The following GALNT1 variants were observed in gnomAD, a reference collection of about 807,000 sequenced individuals.
The protein encoded by GALNT1 is GalNAc transferase 1.
In GALNT1, 17 loss-of-function variants were observed where a neutral mutation model predicts 65.7. The ratio of observed to expected loss-of-function variants is 0.26; its 90% CI spans 0.18 to 0.39. GALNT1 has a LOEUF of 0.39. Among genes scored for constraint, GALNT1 ranks in the 10% least tolerant of loss-of-function variants. The pLI, the probability that GALNT1 is intolerant of heterozygous loss-of-function variation, is 1.00. For synonymous variants in GALNT1, 210 were observed against 219.7 expected, an observed-to-expected ratio of 0.96 and a Z score of 0.39; for missense variants, 460 against 672.8, an observed-to-expected ratio of 0.68 and a Z score of 3.50.
intron 3 of GALNT1, among the ~76,000 whole-genome samples, chr18:35,677,224 C>T (rs1421698859): frequency 1.3e-5 from 2 of 152,126 alleles, no homozygotes; most frequent in Admixed American, 6.5e-5. Flanking sequence ...TATTAAACTA[C>T]GTAAACTCCA....
At chr18:35,635,386 C>G (rs572186271) in intron 1 of GALNT1, among the ~76,000 whole-genome samples, 19 of 152,184 alleles carry the variant, frequency 1.2e-4, no homozygotes, top group African/African-American at 4.6e-4. Context: ...CATAATAAAT[C>G]TTAATGATTA....
intron 1 of GALNT1, among the ~76,000 whole-genome samples, chr18:35,608,071 C>CAATATCAAATCATCTAG (rs1463153805): frequency 6.6e-6 from 1 of 151,988 alleles, no homozygotes; most frequent in East Asian, 1.9e-4. Flanking sequence ...TATATTTTAA[C>CAATATCAAATCATCTAG]AATATCAAAT....
intron 4 of GALNT1, among the ~76,000 whole-genome samples, chr18:35,678,950 G>C (rs2047749709): frequency 6.6e-6 from 1 of 152,044 alleles, no homozygotes. Flanking sequence ...ATGAAGAAAA[G>C]GATAAATCCT....
At chr18:35,687,216 A>G in intron 6 of GALNT1, 30 bp downstream of exon 6, 2 of 1,602,948 alleles carry the variant, frequency 1.2e-6, no homozygotes, top group Non-Finnish European at 1.7e-6. Context: ...TTTTGCCTAA[A>G]GTGTTATTGG....
intron 3 of GALNT1, among the ~76,000 whole-genome samples, chr18:35,672,710 T>A (rs1342153693): frequency 6.6e-6 from 1 of 151,492 alleles, no homozygotes; most frequent in Non-Finnish European, 1.5e-5. Context: ...GAATAACTTT[T>A]CTAATGTGTG....
intron 1 of GALNT1, among the ~76,000 whole-genome samples, chr18:35,595,573 T>G (rs1176550842): frequency 1.3e-5 from 2 of 152,174 alleles, no homozygotes; most frequent in African/African-American, 4.8e-5. Context: ...CAAACAAAAC[T>G]AAACAGAAAC....
intron 9 of GALNT1, among the ~76,000 whole-genome samples, chr18:35,694,730 T>G (rs1003016073): frequency 2.0e-5 from 3 of 152,162 alleles, no homozygotes; most frequent in Admixed American, 1.3e-4. Flanking sequence ...TTGTCCAAAA[T>G]TGGGTCAGTT....
intron 8 of GALNT1, 34 bp downstream of exon 8, chr18:35,691,226 G>C (rs752202547): frequency 2.6e-6 from 4 of 1,545,682 alleles, no homozygotes; most frequent in Non-Finnish European, 3.5e-6. Flanking sequence ...ATACAAGGCT[G>C]TACCTTTGTT....
At chr18:35,654,120 C>G (rs2047346468) in intron 1 of GALNT1, among the ~76,000 whole-genome samples, 1 of 152,170 alleles carries the variant, frequency 6.6e-6, no homozygotes, top group Non-Finnish European at 1.5e-5. Context: ...AATAGCTTGA[C>G]TTTTACCTTA....
At chr18:35,583,730 G>A (rs1208028229) in intron 1 of GALNT1, among the ~76,000 whole-genome samples, 1 of 152,112 alleles carries the variant, frequency 6.6e-6, no homozygotes, top group South Asian at 2.1e-4. Context: ...AAAACTGATT[G>A]TTAATCCCAA....
At chr18:35,702,643 A>G (rs185600075) in intron 9 of GALNT1, among the ~76,000 whole-genome samples, 20 of 152,098 alleles carry the variant, frequency 1.3e-4, no homozygotes, top group Admixed American at 1.1e-3. Flanking sequence ...TACAAATTTG[A>G]AAGGAATAAC....
intron 6 of GALNT1, 75 bp downstream of exon 6, chr18:35,687,261 T>A: frequency 7.1e-7 from 1 of 1,400,990 alleles, no homozygotes; most frequent in South Asian, 1.4e-5. Flanking sequence ...TCATATCAAA[T>A]GGATAAGTGT....
At chr18:35,618,956 A>G (rs1292774653) in intron 1 of GALNT1, among the ~76,000 whole-genome samples, 2 of 152,200 alleles carry the variant, frequency 1.3e-5, no homozygotes, top group Non-Finnish European at 2.9e-5. Context: ...ATGCAAAACA[A>G]TCACTAACGC....
intron 3 of GALNT1, among the ~76,000 whole-genome samples, chr18:35,676,644 G>C (rs563887671): frequency 7.4e-4 from 113 of 152,320 alleles, no homozygotes; most frequent in Non-Finnish European, 1.4e-3. Flanking sequence ...GCTTGAGAGA[G>C]AGCAGGGAAT....
chr18:35,621,678 A>C (rs1258789714), intron 1 of GALNT1, among the ~76,000 whole-genome samples: 7 of 152,216 alleles, frequency 4.6e-5, no homozygotes, highest in Non-Finnish European at 8.8e-5. Flanking sequence ...TGCTTTTTGA[A>C]TATTGCTTAA....
At chr18:35,704,458 G>A (rs1022496338) in intron 11 of GALNT1, among the ~76,000 whole-genome samples, 32 of 151,478 alleles carry the variant, frequency 2.1e-4, no homozygotes, top group African/African-American at 7.5e-4. Context: ...ACAGGCACAC[G>A]CCATCATGCC....
rs191314576 is a variant in GALNT1, at chr18:35,616,566, C to G, written c.-104+34704C>G. 5.3e-5 allele frequency among the ~76,000 whole-genome samples: 8 copies of G among 152,244 alleles called. No homozygotes were observed. The East Asian group carries it at 1.5e-3, about 29-fold the overall frequency. On this transcript the variant is annotated intron_variant, in intron 1 of 11. Coordinates refer to ENST00000269195, the MANE Select transcript of GALNT1 (RefSeq NM_020474.4). ...ATATGGCTAATGAGAAGTACTAAGGCTTGCATATCCTCACCTGAAGTCTTG... is the reference window on the plus strand; with the variant it reads ...ATATGGCTAATGAGAAGTACTAAGGGTTGCATATCCTCACCTGAAGTCTTG...
chr18:35,636,783 G>GTTTTTTTTTTTTT (rs58909585), intron 1 of GALNT1, among the ~76,000 whole-genome samples: 1 of 64,222 alleles, frequency 1.6e-5, no homozygotes, highest in African/African-American at 5.4e-5. Flanking sequence ...ATACTACTTT[G>GTTTTTTTTTTTTT]TTTTTTTTTT....
At chr18:35,595,980 G>T (rs2046499594) in intron 1 of GALNT1, 1 of 152,150 alleles carries the variant, frequency 6.6e-6, no homozygotes, top group South Asian at 2.1e-4. Context: ...TAAATTTGGG[G>T]TGCATTTTGA....
Sources: gnomAD v4.1 joint callset for allele counts (sites outside exome capture counted in the v4.1 genomes callset) on GRCh38, gnomAD v4.1.1 for gene constraint, MANE v1.5 for transcripts, NCBI Gene and HGNC (gene_info 2026-07-23, HGNC 2026-07-21) for gene names.